The following RAB12 variants were observed in gnomAD, a reference collection of about 807,000 sequenced individuals.
RAB12 encodes the protein ras-related protein Rab-12.
A neutral mutation model predicts 28.4 loss-of-function variants in RAB12; 11 were observed. That is an observed-to-expected ratio of 0.39 (90% CI 0.24 to 0.64). The LOEUF (loss-of-function observed/expected upper bound fraction) is 0.64, where lower values mean the gene tolerates loss of function less well. Ranked by LOEUF, RAB12 falls within the 30% of genes least tolerant of loss-of-function variation. The pLI, the probability that RAB12 is intolerant of heterozygous loss-of-function variation, is 0.50. For missense variants in RAB12, 276 were observed against 351.1 expected, an observed-to-expected ratio of 0.79 and a Z score of 1.71; for synonymous variants, 138 against 145.3, an observed-to-expected ratio of 0.95 and a Z score of 0.36.
At chr18:8,632,392 G>A (rs1227046939) in intron 2 of RAB12, among the ~76,000 whole-genome samples, 1 of 152,086 alleles carries the variant, frequency 6.6e-6, no homozygotes, top group Non-Finnish European at 1.5e-5. Flanking sequence ...ACGGATGTCA[G>A]TGCAGACTTG....
intron 2 of RAB12, among the ~76,000 whole-genome samples, chr18:8,630,221 A>G (rs1009667141): frequency 5.3e-5 from 8 of 152,226 alleles, no homozygotes; most frequent in Admixed American, 1.3e-4. Flanking sequence ...TTAAGGAGAC[A>G]TAATACATCA....
chr18:8,633,576 A>G (rs1016659312), intron 3 of RAB12, among the ~76,000 whole-genome samples: 2 of 152,204 alleles, frequency 1.3e-5, no homozygotes, highest in African/African-American at 4.8e-5. Flanking sequence ...GAGGCCAAAC[A>G]TGCTCATTCC....
At chr18:8,618,084 C>T (rs1009707342) in intron 1 of RAB12, among the ~76,000 whole-genome samples, 11 of 152,192 alleles carry the variant, frequency 7.2e-5, no homozygotes, top group African/African-American at 2.2e-4. Context: ...GCTCCAGCCA[C>T]GCCTCTCCTT....
Position 8,609,782 on chromosome 18 carries a change from G to T in RAB12, c.343G>T (p.Ala115Ser). 7.5e-7 allele frequency: 1 copy of T among 1,328,698 alleles called. No individual in the cohort carries two copies. The highest frequency in any genetic ancestry group is 9.6e-7 in the Non-Finnish European group (1 of 1,041,042). 82.3% of individuals were successfully genotyped at this position (1,328,698 alleles called of 1,614,324 possible). Residue 115 changes from alanine (A) to serine (S), a missense_variant, in exon 1 of 6, where the codon GCG (alanine) becomes TCG (serine). By Grantham distance (99) the Ala-to-Ser change is moderately conservative. Coordinates refer to ENST00000649141, the MANE Select transcript of RAB12 (RefSeq NM_001025300.3). ...GGCCGGGGGCGGCGGCGGTCTGGGC[G>T]CGGGCTCCCCGGCGCTGTCGGGCGG... ...RRAGGGGGLG[A>S]GSPALSGGQG...
intron 3 of RAB12, among the ~76,000 whole-genome samples, chr18:8,634,287 T>C (rs1408886361): frequency 3.5e-5 from 5 of 143,762 alleles, no homozygotes; most frequent in African/African-American, 1.1e-4. Context: ...CTCTCTCTTT[T>C]TTTTTTTTTT....
At chr18:8,626,376 C>T (rs977504708) in intron 2 of RAB12, among the ~76,000 whole-genome samples, 2 of 152,234 alleles carry the variant, frequency 1.3e-5, no homozygotes. Flanking sequence ...TATTGCCCCA[C>T]AAAAGTGATG....
chr18:8,625,075 G>A lies in RAB12; in HGVS notation c.575+77G>A, dbSNP rs1183308847. The A allele has an allele frequency of 3.2e-6, 3 of 935,596 alleles. No homozygotes were observed. In the South Asian group the frequency reaches 4.8e-5, roughly 15 times the overall value. 58.0% of individuals were successfully genotyped at this position (935,596 alleles called of 1,614,324 possible). ...ATGTACTTGTCTAATAAAATGAACT[G>A]TTTGAGCTGATTTGCCTCTCCTACT... On this transcript the variant is annotated intron_variant, in intron 2 of 5. Coordinates refer to ENST00000649141, the MANE Select transcript of RAB12 (RefSeq NM_001025300.3).
intron 1 of RAB12, among the ~76,000 whole-genome samples, chr18:8,616,379 T>TA (rs373829340): frequency 0.15 from 18,280 of 121,348 alleles, 1,256 homozygotes; most frequent in Middle Eastern, 0.18. Flanking sequence ...GTGTGATTGT[T>TA]AAAAAAAAAA....
intron 5 of RAB12, among the ~76,000 whole-genome samples, chr18:8,636,919 T>C (rs1410757353): frequency 1.3e-5 from 2 of 152,194 alleles, no homozygotes; most frequent in African/African-American, 4.8e-5. Flanking sequence ...GAAGTTTATG[T>C]TATTAAGTGA....
At chr18:8,630,268 A>G (rs2096015167) in intron 2 of RAB12, among the ~76,000 whole-genome samples, 1 of 152,230 alleles carries the variant, frequency 6.6e-6, no homozygotes, top group Non-Finnish European at 1.5e-5. Flanking sequence ...TTTGATCTGG[A>G]CAGGTGAGAC....
At chr18:8,624,179 T>G (rs2096011431) in intron 1 of RAB12, among the ~76,000 whole-genome samples, 1 of 152,266 alleles carries the variant, frequency 6.6e-6, no homozygotes, top group South Asian at 2.1e-4. Flanking sequence ...GCATCCCTTT[T>G]GTTTCCCTTA....
chr18:8,613,013 G>A (rs2096004697), intron 1 of RAB12, among the ~76,000 whole-genome samples: 1 of 152,250 alleles, frequency 6.6e-6, no homozygotes, highest in South Asian at 2.1e-4. Flanking sequence ...AAGATCCGTA[G>A]TGGAAGTCCT....
intron 1 of RAB12, among the ~76,000 whole-genome samples, chr18:8,623,805 A>T (rs2096011193): frequency 6.6e-6 from 1 of 152,262 alleles, no homozygotes; most frequent in African/African-American, 2.4e-5. Context: ...TTCTTGTGAC[A>T]TTTTATATTC....
intron 2 of RAB12, among the ~76,000 whole-genome samples, chr18:8,626,322 T>G (rs921139894): frequency 3.3e-5 from 5 of 152,244 alleles, no homozygotes; most frequent in Non-Finnish European, 5.9e-5. Flanking sequence ...GGGATATGCC[T>G]CTCTCTGTTC....
In RAB12 at chr18:8,636,318, C is replaced by T. The variant is rs767466248; in HGVS notation, c.870C>T (p.Asp290=). The change falls in exon 5 of 6, where the codon GAC becomes GAT. Residue 290 remains aspartate, a synonymous_variant. Coordinates refer to ENST00000649141, the MANE Select transcript of RAB12 (RefSeq NM_001025300.3). ...EASAKDNFNV[D]EIFLKLVDDI... is the part of the protein sequence containing the mutation. ...GTGCCAAGGATAACTTCAATGTGGA[C>T]GAGATATTTTTGAAACTTGTCGATG... 4.5e-5 allele frequency: 72 copies of T among 1,610,100 alleles called. No homozygotes were observed. Among genetic ancestry groups the T allele is most frequent in the Admixed American group, 3.2e-4 (19 of 59,278 alleles).
intron 1 of RAB12, 153 bp downstream of exon 1, chr18:8,610,106 C>A: frequency 1.7e-6 from 1 of 577,650 alleles, no homozygotes; most frequent in Non-Finnish European, 3.0e-6. Context: ...GAGCGCCCTG[C>A]ATCCCAATCC....
At chr18:8,623,997 G>A (rs926296959) in intron 1 of RAB12, among the ~76,000 whole-genome samples, 4 of 152,260 alleles carry the variant, frequency 2.6e-5, no homozygotes, top group African/African-American at 9.6e-5. Context: ...GGTGCCCAGA[G>A]ACGGGCAGTC....
intron 3 of RAB12, among the ~76,000 whole-genome samples, chr18:8,634,077 G>T (rs536514686): frequency 6.6e-6 from 1 of 152,230 alleles, no homozygotes; most frequent in East Asian, 1.9e-4. Context: ...CTGTCTGCTA[G>T]ATAACATTGG....
intron 5 of RAB12, 67 bp from the exon 6 acceptor site, chr18:8,638,082 C>A (rs1598315380): frequency 9.9e-7 from 1 of 1,008,654 alleles, no homozygotes; most frequent in Non-Finnish European, 1.5e-6. Context: ...AACTCATGTT[C>A]AAGGGTCAGC....
Sources: gnomAD v4.1 joint callset for allele counts (sites outside exome capture counted in the v4.1 genomes callset) on GRCh38, gnomAD v4.1.1 for gene constraint, MANE v1.5 for transcripts, NCBI Gene and HGNC (gene_info 2026-07-23, HGNC 2026-07-21) for gene names.